Variants in GRIK2 observed in about 807,000 individuals in gnomAD.
GRIK2 encodes glutamate receptor ionotropic, kainate 2.
A neutral mutation model predicts 100.3 loss-of-function variants in GRIK2; 32 were observed. The ratio of observed to expected loss-of-function variants is 0.32; its 90% CI spans 0.24 to 0.43. The LOEUF (loss-of-function observed/expected upper bound fraction) is 0.43. Among genes scored for constraint, GRIK2 ranks in the 20% least tolerant of loss-of-function variants. The probability of loss-of-function intolerance (pLI) is 1.00; values close to 1 mark genes in which losing one functional copy is unlikely to be tolerated. For synonymous variants in GRIK2, 417 were observed against 389.4 expected (o/e 1.07, Z -0.83); for missense variants, 843 against 1,114.9 (o/e 0.76, Z 3.47).
intron 11 of GRIK2, among the ~76,000 whole-genome samples, chr6:101,873,708 A>G (rs1785594596): frequency 6.6e-6 from 1 of 152,004 alleles, no homozygotes; most frequent in African/African-American, 2.4e-5. Flanking sequence ...TTACAGTCCC[A>G]CCAACAGTGT....
chr6:101,483,111 C>T (rs1172804792), intron 2 of GRIK2, among the ~76,000 whole-genome samples: 2 of 151,910 alleles, frequency 1.3e-5, no homozygotes, highest in Admixed American at 6.6e-5. Context: ...GGCAGTCTTA[C>T]TTTTTTTTAA....
At chr6:101,588,306 G>C (rs1778474054) in intron 2 of GRIK2, among the ~76,000 whole-genome samples, 1 of 152,018 alleles carries the variant, frequency 6.6e-6, no homozygotes, top group Non-Finnish European at 1.5e-5. Context: ...AAGCTTGAAA[G>C]CCAGAAAGAG....
chr6:101,631,708 A>G (rs1379190394), intron 4 of GRIK2, among the ~76,000 whole-genome samples: 1 of 151,964 alleles, frequency 6.6e-6, no homozygotes, highest in Non-Finnish European at 1.5e-5. Flanking sequence ...CTATACTTGT[A>G]TGATCTCTCA....
intron 2 of GRIK2, among the ~76,000 whole-genome samples, chr6:101,517,825 C>T (rs995993849): frequency 6.6e-6 from 1 of 152,006 alleles, no homozygotes; most frequent in Non-Finnish European, 1.5e-5. Context: ...CAATATTTGG[C>T]TATGTAATAA....
At chr6:101,668,951 A>G (rs1237298397) in intron 4 of GRIK2, among the ~76,000 whole-genome samples, 1 of 152,220 alleles carries the variant, frequency 6.6e-6, no homozygotes, top group African/African-American at 2.4e-5. Context: ...TAAGATAAAG[A>G]CAAACCTTGA....
At chr6:101,610,591 C>T (rs895595058) in intron 2 of GRIK2, among the ~76,000 whole-genome samples, 1 of 151,814 alleles carries the variant, frequency 6.6e-6, no homozygotes, top group African/African-American at 2.4e-5. Context: ...AATTCAGAAT[C>T]ATTATTCTTC....
intron 10 of GRIK2, among the ~76,000 whole-genome samples, chr6:101,837,291 G>A (rs760234540): frequency 7.9e-5 from 12 of 152,086 alleles, no homozygotes; most frequent in Admixed American, 2.6e-4. Flanking sequence ...ACTTGCAGTC[G>A]TGTGATGAGT....
intron 7 of GRIK2, among the ~76,000 whole-genome samples, chr6:101,733,732 T>G (rs937196049): frequency 2.8e-5 from 2 of 70,566 alleles, no homozygotes; most frequent in Non-Finnish European, 6.2e-5. Flanking sequence ...TTTTTTTTTT[T>G]GTATTTTATT....
At chr6:101,867,224 C>T (rs1343651870) in intron 11 of GRIK2, among the ~76,000 whole-genome samples, 2 of 151,802 alleles carry the variant, frequency 1.3e-5, no homozygotes, top group African/African-American at 4.8e-5. Context: ...AATTCTGCTA[C>T]AACATGTATG....
intron 7 of GRIK2, among the ~76,000 whole-genome samples, chr6:101,712,002 C>G (rs1487154544): frequency 6.6e-6 from 1 of 151,730 alleles, no homozygotes; most frequent in African/African-American, 2.4e-5. Context: ...CTTCCTTCAA[C>G]TGGTAAAATA....
chr6:101,436,281 G>A (rs1256337115), intron 2 of GRIK2, among the ~76,000 whole-genome samples: 1 of 151,970 alleles, frequency 6.6e-6, no homozygotes, highest in East Asian at 1.9e-4. Flanking sequence ...TGTTTTCAGA[G>A]GTTCATGTAT....
At chr6:101,948,390 C>A (rs2128478060) in intron 14 of GRIK2, among the ~76,000 whole-genome samples, 1 of 150,258 alleles carries the variant, frequency 6.7e-6, no homozygotes, top group East Asian at 1.9e-4. Flanking sequence ...ACATCTAAAT[C>A]AGAGCCAGTG....
chr6:101,508,031 T>G (rs1774110601), intron 2 of GRIK2, among the ~76,000 whole-genome samples: 1 of 152,116 alleles, frequency 6.6e-6, no homozygotes, highest in Non-Finnish European at 1.5e-5. Flanking sequence ...GTAGGAAATT[T>G]AGACAATTAG....
At chr6:101,991,490 CT>C (rs1197855675) in intron 14 of GRIK2, among the ~76,000 whole-genome samples, 3 of 149,990 alleles carry the variant, frequency 2.0e-5, no homozygotes, top group Non-Finnish European at 4.5e-5. Context: ...TGTTGTATAG[CT>C]TTTTATAAGA....
intron 7 of GRIK2, among the ~76,000 whole-genome samples, chr6:101,776,316 C>A (rs1367219074): frequency 2.6e-5 from 4 of 152,034 alleles, no homozygotes; most frequent in East Asian, 1.9e-4. Context: ...ATGAAATGTT[C>A]ATACAATAGT....
intron 7 of GRIK2, among the ~76,000 whole-genome samples, chr6:101,775,325 C>T (rs1778671895): frequency 6.6e-6 from 1 of 152,068 alleles, no homozygotes; most frequent in African/African-American, 2.4e-5. Context: ...TTATTCATGA[C>T]ATTAATTCTG....
In GRIK2 at chr6:101,398,607, A is replaced by G. The variant is rs756488460; in HGVS notation, c.-293-378A>G. On this transcript the variant is annotated intron_variant, in intron 1 of 16. Transcript: ENST00000369134. ...TTTAGCTAGTAATTTAATGAAATTC[A>G]TCAGTTGATTGTAAGAAGTCCGCTT... Among the ~76,000 whole-genome samples, 136 of 152,352 alleles carry G rather than the reference A, an allele frequency of 8.9e-4. 1 individual carries two copies. Among genetic ancestry groups the G allele is most frequent in the Admixed American group, 8.5e-4 (13 of 15,306 alleles).
At chr6:101,777,727 G>T (rs966837149) in intron 7 of GRIK2, among the ~76,000 whole-genome samples, 4 of 152,136 alleles carry the variant, frequency 2.6e-5, no homozygotes, top group African/African-American at 9.7e-5. Flanking sequence ...ATTCAGAAAT[G>T]AGCAAAATCT....
chr6:101,434,577 T>G (rs1769609058), intron 2 of GRIK2, among the ~76,000 whole-genome samples: 1 of 152,216 alleles, frequency 6.6e-6, no homozygotes, highest in African/African-American at 2.4e-5. Flanking sequence ...TAAAATTTTA[T>G]AGCTCTATCG....
Sources: gnomAD v4.1 joint callset for allele counts (sites outside exome capture counted in the v4.1 genomes callset) on GRCh38, gnomAD v4.1.1 for gene constraint, MANE v1.5 for transcripts, NCBI Gene and HGNC (gene_info 2026-07-23, HGNC 2026-07-21) for gene names.